ITFG1: variants seen among roughly 807,000 people sequenced by gnomAD.
ITFG1 encodes the protein T-cell immunomodulatory protein.
Under a neutral mutation model 81.8 loss-of-function variants are expected in ITFG1, and 34 were observed. The ratio of observed to expected loss-of-function variants is 0.42; its 90% CI spans 0.32 to 0.55. The LOEUF (loss-of-function observed/expected upper bound fraction) is 0.55. Ranked by LOEUF, ITFG1 falls within the 20% of genes least tolerant of loss-of-function variation. The probability of loss-of-function intolerance (pLI) is 0.17; values close to 1 mark genes in which losing one functional copy is unlikely to be tolerated. For synonymous variants in ITFG1, 285 were observed against 270.6 expected, an observed-to-expected ratio of 1.05 and a Z score of -0.52; for missense variants, 672 against 755.4, an observed-to-expected ratio of 0.89 and a Z score of 1.29.
intron 9 of ITFG1, among the ~76,000 whole-genome samples, 188 bp from the exon 10 acceptor site, chr16:47,311,600 A>T (rs1967263251): frequency 6.6e-6 from 1 of 151,832 alleles, no homozygotes; most frequent in Non-Finnish European, 1.5e-5. Context: ...AAAAAAAAGT[A>T]CTTTCCCTTA....
chr16:47,212,711 C>A (rs1965578231), intron 14 of ITFG1, among the ~76,000 whole-genome samples: 1 of 152,186 alleles, frequency 6.6e-6, no homozygotes, highest in Non-Finnish European at 1.5e-5. Context: ...TCTAAGATGT[C>A]CAATGCATGT....
intron 12 of ITFG1, among the ~76,000 whole-genome samples, chr16:47,241,507 A>G (rs1213206332): frequency 6.6e-6 from 1 of 152,276 alleles, no homozygotes; most frequent in Non-Finnish European, 1.5e-5. Context: ...AACATGGATG[A>G]ATCTTGAAAA....
chr16:47,240,381 T>G (rs2151534885), intron 12 of ITFG1, among the ~76,000 whole-genome samples: 1 of 151,474 alleles, frequency 6.6e-6, no homozygotes, highest in South Asian at 2.1e-4. Context: ...AAGTTAGAGT[T>G]TACCTCCCTA....
At chr16:47,439,218 T>G (rs1969211576) in intron 5 of ITFG1, among the ~76,000 whole-genome samples, 1 of 152,148 alleles carries the variant, frequency 6.6e-6, no homozygotes, top group Admixed American at 6.6e-5. Flanking sequence ...ACTGGTGTAC[T>G]TGAAAGTGAT....
intron 6 of ITFG1, among the ~76,000 whole-genome samples, chr16:47,423,251 ATT>A (rs748793229): frequency 1.1e-3 from 128 of 118,244 alleles, no homozygotes; most frequent in Admixed American, 1.4e-3. Flanking sequence ...GCAATCCCTG[ATT>A]TTTTTTTTTT....
chr16:47,400,946 A>G (rs984385374), intron 6 of ITFG1, among the ~76,000 whole-genome samples: 9 of 152,130 alleles, frequency 5.9e-5, no homozygotes, highest in African/African-American at 1.9e-4. Context: ...AGGGTGTGAT[A>G]AGATCTCATC....
intron 12 of ITFG1, among the ~76,000 whole-genome samples, chr16:47,251,968 A>G (rs1279313480): frequency 6.6e-6 from 1 of 152,248 alleles, no homozygotes; most frequent in East Asian, 1.9e-4. Context: ...CGCTATATGC[A>G]AGAAGAAAAT....
At chr16:47,424,640 G>T (rs1968995856) in intron 6 of ITFG1, among the ~76,000 whole-genome samples, 1 of 152,174 alleles carries the variant, frequency 6.6e-6, no homozygotes, top group Non-Finnish European at 1.5e-5. Context: ...TTTTGTTCAT[G>T]TTGATGCTAT....
intron 13 of ITFG1, among the ~76,000 whole-genome samples, chr16:47,233,577 C>T (rs1452547154): frequency 2.0e-5 from 3 of 152,250 alleles, no homozygotes; most frequent in Non-Finnish European, 4.4e-5. Flanking sequence ...CCAGAGCTCT[C>T]TGTTCTCCCT....
At chr16:47,450,714 T>C (rs893739866) in intron 5 of ITFG1, among the ~76,000 whole-genome samples, 15 of 152,180 alleles carry the variant, frequency 9.9e-5, no homozygotes, top group Admixed American at 7.2e-4. Context: ...GAACTAAACT[T>C]TACCTTATCA....
intron 5 of ITFG1, chr16:47,448,848 C>T (rs1596991663): frequency 6.6e-6 from 1 of 152,174 alleles, no homozygotes; most frequent in South Asian, 2.1e-4. Context: ...TAATATGGCA[C>T]ATTATTACAT....
chr16:47,163,582 A>G (rs73536899), intron 14 of ITFG1, among the ~76,000 whole-genome samples: 9,466 of 152,254 alleles, frequency 0.062, 426 homozygotes, highest in African/African-American at 0.13. Context: ...TTTGGTTACT[A>G]TGAAAATACT....
chr16:47,297,425 G>T (rs1473479224), intron 10 of ITFG1, among the ~76,000 whole-genome samples: 2 of 152,016 alleles, frequency 1.3e-5, no homozygotes, highest in African/African-American at 4.8e-5. Flanking sequence ...TACATTCAAG[G>T]TTAATATTTT....
intron 14 of ITFG1, among the ~76,000 whole-genome samples, chr16:47,185,950 T>TA (rs1965207352): frequency 6.6e-6 from 1 of 152,120 alleles, no homozygotes; most frequent in Non-Finnish European, 1.5e-5. Flanking sequence ...CCCACAGAAA[T>TA]ACAAACTACC....
intron 8 of ITFG1, among the ~76,000 whole-genome samples, chr16:47,365,178 C>T (rs1369640981): frequency 6.6e-6 from 1 of 152,272 alleles, no homozygotes; most frequent in East Asian, 1.9e-4. Context: ...AATGAAGGAT[C>T]AGCAGGATGG....
chr16:47,374,876 G>T (rs1314050678), intron 7 of ITFG1, among the ~76,000 whole-genome samples: 2 of 152,082 alleles, frequency 1.3e-5, no homozygotes, highest in African/African-American at 4.8e-5. Flanking sequence ...GAAGAGATCT[G>T]AGTCATGACC....
chr16:47,455,568 A>G (rs1436011020), intron 2 of ITFG1, among the ~76,000 whole-genome samples: 1 of 151,944 alleles, frequency 6.6e-6, no homozygotes, highest in African/African-American at 2.4e-5. Flanking sequence ...CAGGAATTTG[A>G]GACCAGCCTG....
At chr16:47,331,074 G>C (rs1288277701) in intron 8 of ITFG1, among the ~76,000 whole-genome samples, 1 of 152,050 alleles carries the variant, frequency 6.6e-6, no homozygotes, top group Non-Finnish European at 1.5e-5. Context: ...AAACAATCTA[G>C]GTGCCCATCA....
chr16:47,205,176 T>C (rs1965477473), intron 14 of ITFG1, among the ~76,000 whole-genome samples: 1 of 152,258 alleles, frequency 6.6e-6, no homozygotes. Flanking sequence ...TTTTATAGTC[T>C]ACATCAGGAT....
Sources: gnomAD v4.1 joint callset for allele counts (sites outside exome capture counted in the v4.1 genomes callset) on GRCh38, gnomAD v4.1.1 for gene constraint, MANE v1.5 for transcripts, NCBI Gene and HGNC (gene_info 2026-07-23, HGNC 2026-07-21) for gene names.